Variants in HADHB observed in about 807,000 individuals in gnomAD.
HADHB encodes hydroxyacyl-CoA dehydrogenase trifunctional multienzyme complex subunit beta.
Under a neutral mutation model 61.9 loss-of-function variants are expected in HADHB, and 50 were observed. That is an observed-to-expected ratio of 0.81 (90% confidence interval 0.64 to 1.02). The LOEUF (loss-of-function observed/expected upper bound fraction) is 1.02. Among genes scored for constraint, HADHB ranks in the 50% least tolerant of loss-of-function variants. The probability of loss-of-function intolerance (pLI) is 0.00; values close to 1 mark genes in which losing one functional copy is unlikely to be tolerated. For missense variants in HADHB, 504 were observed against 586.5 expected, an observed-to-expected ratio of 0.86 and a Z score of 1.45; for synonymous variants, 191 against 201.6, an observed-to-expected ratio of 0.95 and a Z score of 0.45.
chr2:26,290,035 T>G lies in HADHB; in HGVS notation c.*82T>G. On this transcript the variant is annotated 3_prime_UTR_variant, in exon 16 of 16. Transcript: ENST00000317799. ...ATTTCAATGCATTACTAAATGACAT[T>G]TGTAGTTCCTAGCTCCTCTTAGGAA... is the stretch of plus-strand genomic sequence containing the variant. 1 of 929,224 alleles carries G rather than the reference T, an allele frequency of 1.1e-6. No homozygotes were observed. Among genetic ancestry groups the G allele is most frequent in the South Asian group, 1.3e-5 (1 of 77,480 alleles). The allele number at this position is 929,224 out of a possible 1,614,324, so 57.6% of individuals were successfully genotyped here.
chr2:26,280,853 C>CAAAA (rs10560210), intron 10 of HADHB, among the ~76,000 whole-genome samples: 3 of 49,152 alleles, frequency 6.1e-5, no homozygotes, highest in African/African-American at 2.5e-4. Flanking sequence ...ACTCCCATCT[C>CAAAA]AAAAAAAAAA....
intron 5 of HADHB, among the ~76,000 whole-genome samples, chr2:26,270,209 G>A (rs566673937): frequency 3.2e-4 from 48 of 152,262 alleles, no homozygotes; most frequent in Non-Finnish European, 5.4e-4. Flanking sequence ...CACAGGACTC[G>A]ATTGATCAGC....
At chr2:26,261,130 C>T (rs1406882934) in intron 3 of HADHB, 4 of 829,652 alleles carry the variant, frequency 4.8e-6, no homozygotes, top group South Asian at 4.4e-5. Context: ...TCTATGGCTT[C>T]CCCTTTGGCA....
intron 7 of HADHB, among the ~76,000 whole-genome samples, chr2:26,277,930 C>G (rs916558920): frequency 1.1e-4 from 17 of 152,248 alleles, no homozygotes; most frequent in Non-Finnish European, 4.4e-5. Context: ...CTCCTTACAT[C>G]CTTGTCATTT....
chr2:26,261,753 C>T (rs186264447), intron 3 of HADHB, among the ~76,000 whole-genome samples: 5 of 151,744 alleles, frequency 3.3e-5, no homozygotes, highest in African/African-American at 9.7e-5. Flanking sequence ...CCAGCCTTGG[C>T]GACAGAGCAA....
chr2:26,277,236 T>TAA, intron 7 of HADHB, 76 bp downstream of exon 7: 1 of 294,410 alleles, frequency 3.4e-6, no homozygotes, highest in Non-Finnish European at 6.3e-6. Context: ...AAATGTACTT[T>TAA]TTTTTTTTTT....
chr2:26,259,570 G>C (rs930138125), intron 3 of HADHB, among the ~76,000 whole-genome samples: 1 of 152,102 alleles, frequency 6.6e-6, no homozygotes, highest in African/African-American at 2.4e-5. Context: ...TCTCCCCCAG[G>C]GCTCTGCAGA....
intron 1 of HADHB, among the ~76,000 whole-genome samples, chr2:26,249,739 A>G (rs1320920606): frequency 6.6e-6 from 1 of 151,990 alleles, no homozygotes; most frequent in Non-Finnish European, 1.5e-5. Context: ...TGTGTTCCAG[A>G]ATTATAGGCA....
intron 12 of HADHB, among the ~76,000 whole-genome samples, chr2:26,283,768 C>T (rs993836386): frequency 6.6e-6 from 1 of 152,202 alleles, no homozygotes; most frequent in African/African-American, 2.4e-5. Flanking sequence ...GTTCCGTTCC[C>T]TCACAAGGCT....
At chr2:26,249,068 A>G (rs2147795460) in intron 1 of HADHB, among the ~76,000 whole-genome samples, 1 of 152,086 alleles carries the variant, frequency 6.6e-6, no homozygotes, top group South Asian at 2.1e-4. Context: ...AAAAAAAAAA[A>G]GAAAATCACA....
Position 26,290,129 on chromosome 2 carries a change from A to C in HADHB, c.*176A>C, listed in dbSNP as rs1163087731. ...TTGCCAGTGTTCTGAGCTTTTCAAT[A>C]ATCAGTTTACTGCTCTTTCAGGGAT... On this transcript the variant is annotated 3_prime_UTR_variant, in exon 16 of 16. Coordinates refer to ENST00000317799, the MANE Select transcript of HADHB (RefSeq NM_000183.3). 4 of 659,026 alleles carry C rather than the reference A, an allele frequency of 6.1e-6. No individual in the cohort carries two copies. The highest frequency in any genetic ancestry group is 3.6e-5 in the African/African-American group (2 of 55,750). 40.8% of individuals were successfully genotyped at this position (659,026 alleles called of 1,614,324 possible). A position where few individuals can be genotyped will look rare whatever the true frequency, so the allele number is the denominator to read the frequency against.
intron 1 of HADHB, among the ~76,000 whole-genome samples, chr2:26,249,490 GA>G (rs1042871271): frequency 3.3e-5 from 5 of 152,056 alleles, no homozygotes; most frequent in Non-Finnish European, 7.4e-5. Context: ...CAGCCTGGGC[GA>G]CAGAGTGAGA....
intron 1 of HADHB, among the ~76,000 whole-genome samples, chr2:26,252,949 C>T (rs1023288341): frequency 3.3e-5 from 5 of 152,330 alleles, no homozygotes; most frequent in African/African-American, 9.6e-5. Context: ...TCTATTTGCA[C>T]ATACTCTTAC....
intron 4 of HADHB, among the ~76,000 whole-genome samples, chr2:26,266,941 A>G (rs1672112544): frequency 6.8e-6 from 1 of 148,020 alleles, no homozygotes; most frequent in Non-Finnish European, 1.5e-5. Context: ...TTTCAAATTG[A>G]CACATGACTT....
At chr2:26,249,364 A>G (rs1370783802) in intron 1 of HADHB, among the ~76,000 whole-genome samples, 1 of 151,920 alleles carries the variant, frequency 6.6e-6, no homozygotes. Flanking sequence ...AAAAAAAATT[A>G]GCCTGGTATG....
At chr2:26,260,778 A>G (rs1671829093) in intron 3 of HADHB, 3 of 529,012 alleles carry the variant, frequency 5.7e-6, no homozygotes, top group South Asian at 4.7e-5. Flanking sequence ...GGGGCCAGCT[A>G]CTTTGTCTCA....
chr2:26,256,523 C>CTG (rs1320978985), intron 3 of HADHB, among the ~76,000 whole-genome samples: 2 of 47,118 alleles, frequency 4.2e-5, no homozygotes, highest in Non-Finnish European at 8.9e-5. Flanking sequence ...GTCTTTCTCT[C>CTG]TGTGTATATA....
At chr2:26,245,345 T>G (rs1160735354) in intron 1 of HADHB, 2 of 153,292 alleles carry the variant, frequency 1.3e-5, no homozygotes, top group African/African-American at 4.8e-5. Context: ...AAGTGTGTGT[T>G]GTTTCGCCTG....
At position 26,290,201 on chromosome 2, in the gene HADHB, T is replaced by C. The variant is rs1673214189; in HGVS notation, c.*248T>C. The C allele has an allele frequency of 1.8e-6, 1 of 545,324 alleles. No individual in the cohort carries two copies. The highest frequency in any genetic ancestry group is 3.3e-6 in the Non-Finnish European group (1 of 302,712). 33.8% of individuals were successfully genotyped at this position (545,324 alleles called of 1,614,324 possible). A position where few individuals can be genotyped will look rare whatever the true frequency, so the allele number is the denominator to read the frequency against. On this transcript the variant is annotated 3_prime_UTR_variant, in exon 16 of 16. Transcript: ENST00000317799. ...CATGAGATGTGTGGGTGGTTGTTTT[T>C]GGTCTCTGTTGTCACTAAAGACTAA...
Sources: allele counts gnomAD v4.1 joint callset (sites outside exome capture counted in the v4.1 genomes callset), GRCh38; gene constraint gnomAD v4.1.1; transcripts MANE v1.5; gene names NCBI Gene and HGNC (gene_info 2026-07-23, HGNC 2026-07-21).